The following CDKAL1 variants were observed in gnomAD, a reference collection of about 807,000 sequenced individuals.
CDKAL1 encodes the protein CDKAL1 threonylcarbamoyladenosine tRNA methylthiotransferase, also known as threonylcarbamoyladenosine tRNA methylthiotransferase.
A neutral mutation model predicts 68.2 loss-of-function variants in CDKAL1; 32 were observed. The ratio of observed to expected loss-of-function variants is 0.47; its 90% CI spans 0.35 to 0.63. CDKAL1 has a LOEUF of 0.63. CDKAL1 is among the 30% of genes least tolerant of loss of function. The pLI is 0.00. For synonymous variants in CDKAL1, 234 were observed against 244.3 expected, an observed-to-expected ratio of 0.96 and a Z score of 0.39; for missense variants, 606 against 696.7, an observed-to-expected ratio of 0.87 and a Z score of 1.47.
chr6:20,869,400 GTAAA>G (rs1016750933), intron 9 of CDKAL1, among the ~76,000 whole-genome samples: 1 of 152,174 alleles, frequency 6.6e-6, no homozygotes, highest in African/African-American at 2.4e-5. Flanking sequence ...AATTTAAAGA[GTAAA>G]TAGTAAACCA....
intron 9 of CDKAL1, among the ~76,000 whole-genome samples, chr6:20,882,852 C>T (rs1188135846): frequency 1.3e-5 from 2 of 152,166 alleles, no homozygotes; most frequent in Non-Finnish European, 2.9e-5. Context: ...ATGTTCTTTT[C>T]TCATAATGGC....
At chr6:20,598,649 T>G (rs1217430685) in intron 4 of CDKAL1, among the ~76,000 whole-genome samples, 1 of 152,202 alleles carries the variant, frequency 6.6e-6, no homozygotes, top group Non-Finnish European at 1.5e-5. Flanking sequence ...AATTAAACAT[T>G]TCAAGTAGCT....
At position 20,563,892 on chromosome 6, in the gene CDKAL1, A is replaced by G. The variant is rs113942489; in HGVS notation, c.286+15187A>G. Among the ~76,000 whole-genome samples the G allele has an allele frequency of 6.6e-3, 1,000 of 152,326 alleles. 12 individuals carry two copies. The highest frequency in any genetic ancestry group is 0.022 in the African/African-American group (924 of 41,562). On this transcript the variant is annotated intron_variant, in intron 4 of 15. Transcript: ENST00000274695. The stretch of plus-strand genomic sequence containing the variant: ...TCATTGCTTATAATACAGAATAATT[A>G]TATAACTTGGCTCATTATCTAAGCT...
At chr6:20,849,703 G>T (rs2150502090) in intron 9 of CDKAL1, among the ~76,000 whole-genome samples, 1 of 151,796 alleles carries the variant, frequency 6.6e-6, no homozygotes, top group East Asian at 1.9e-4. Context: ...AAACATTAAT[G>T]ACTAAAATCA....
intron 13 of CDKAL1, among the ~76,000 whole-genome samples, chr6:21,176,776 C>T (rs1777600387): frequency 6.8e-6 from 1 of 146,666 alleles, no homozygotes; most frequent in Non-Finnish European, 1.5e-5. Context: ...CTCAGCGCAT[C>T]CTCCGCCACC....
At chr6:20,781,342 C>T (rs1775422628) in intron 8 of CDKAL1, 77 bp downstream of exon 8, 2 of 1,276,288 alleles carry the variant, frequency 1.6e-6, no homozygotes, top group South Asian at 1.5e-5. Flanking sequence ...GGACATGTGA[C>T]ATAGAAAAGT....
intron 8 of CDKAL1, among the ~76,000 whole-genome samples, chr6:20,786,508 T>TC (rs1775680431): frequency 7.1e-6 from 1 of 140,662 alleles, no homozygotes; most frequent in Non-Finnish European, 1.6e-5. Flanking sequence ...TTTTTTTTTT[T>TC]TTTTTTTGAG....
chr6:20,951,133 T>C (rs1017736058), intron 9 of CDKAL1, among the ~76,000 whole-genome samples: 2 of 152,176 alleles, frequency 1.3e-5, no homozygotes, highest in African/African-American at 4.8e-5. Context: ...CCATAATCAT[T>C]ATTTACAGTT....
intron 9 of CDKAL1, among the ~76,000 whole-genome samples, chr6:20,873,945 A>G (rs930458001): frequency 1.3e-5 from 2 of 152,218 alleles, no homozygotes; most frequent in Non-Finnish European, 2.9e-5. Flanking sequence ...GTTAAGGAGT[A>G]GTAGGGCAGG....
chr6:21,001,118 C>T (rs1767404822), intron 11 of CDKAL1, among the ~76,000 whole-genome samples: 1 of 152,220 alleles, frequency 6.6e-6, no homozygotes. Flanking sequence ...TCACTGTTCT[C>T]CCCTCTGGGG....
At chr6:20,712,521 T>A (rs1230719813) in intron 5 of CDKAL1, among the ~76,000 whole-genome samples, 11 of 142,232 alleles carry the variant, frequency 7.7e-5, no homozygotes, top group South Asian at 2.2e-4. Flanking sequence ...AAAAAAGAAG[T>A]GAAATGAAAA....
chr6:20,634,744 G>A (rs1290433439), intron 4 of CDKAL1, among the ~76,000 whole-genome samples: 4 of 152,158 alleles, frequency 2.6e-5, no homozygotes, highest in Non-Finnish European at 4.4e-5. Flanking sequence ...TTGGGAGGAC[G>A]AGGCAGGAGG....
In CDKAL1 at chr6:20,968,615, C is replaced by G. The variant is rs898295535; in HGVS notation, c.909+13030C>G. ...GTTAATTTTTTCTTTCTATTCCCCC[C>G]ATCAAGTCATCTGAATTGACCTGTC... On this transcript the variant is annotated intron_variant, in intron 10 of 15. Coordinates refer to ENST00000274695, the MANE Select transcript of CDKAL1 (RefSeq NM_017774.3). Among the ~76,000 whole-genome samples the G allele has an allele frequency of 3.9e-5, 6 of 152,128 alleles. No homozygotes were observed. In the East Asian group the frequency reaches 5.8e-4, roughly 15 times the overall value.
At chr6:21,024,975 A>G (rs1429599052) in intron 11 of CDKAL1, among the ~76,000 whole-genome samples, 1 of 152,176 alleles carries the variant, frequency 6.6e-6, no homozygotes, top group Non-Finnish European at 1.5e-5. Context: ...GCTGTTTCTC[A>G]TGGCTATGTT....
intron 8 of CDKAL1, among the ~76,000 whole-genome samples, chr6:20,841,060 C>A (rs922090521): frequency 6.6e-6 from 1 of 152,140 alleles, no homozygotes. Flanking sequence ...GTCTCGAATT[C>A]CTGAGCTCAA....
chr6:21,002,002 T>C (rs1273899460), intron 11 of CDKAL1, among the ~76,000 whole-genome samples: 1 of 152,230 alleles, frequency 6.6e-6, no homozygotes, highest in Non-Finnish European at 1.5e-5. Flanking sequence ...CACCTCTCTT[T>C]TATCTTTATT....
chr6:20,918,264 A>C (rs748103071), intron 9 of CDKAL1, among the ~76,000 whole-genome samples: 6 of 152,246 alleles, frequency 3.9e-5, no homozygotes, highest in Non-Finnish European at 7.3e-5. Context: ...ACAGAATTGT[A>C]AGCAATAAAT....
chr6:20,817,863 TTG>T (rs374843030), intron 8 of CDKAL1, among the ~76,000 whole-genome samples: 1,551 of 152,228 alleles, frequency 0.01, 17 homozygotes, highest in African/African-American at 0.035. Context: ...CATAGGGTGT[TTG>T]TGAAAAAAGA....
intron 11 of CDKAL1, among the ~76,000 whole-genome samples, chr6:21,040,909 T>G (rs935997499): frequency 5.9e-5 from 9 of 152,116 alleles, no homozygotes; most frequent in Non-Finnish European, 1.2e-4. Flanking sequence ...GATGAGAAAC[T>G]GATAAGACTG....
Sources: allele counts gnomAD v4.1 joint callset (sites outside exome capture counted in the v4.1 genomes callset), GRCh38; gene constraint gnomAD v4.1.1; transcripts MANE v1.5; gene names NCBI Gene and HGNC (gene_info 2026-07-23, HGNC 2026-07-21).